The following MBD5 variants were observed in gnomAD, a reference collection of about 807,000 sequenced individuals.
The protein encoded by MBD5 is methyl-CpG-binding domain protein 5.
MBD5 carries 13 observed loss-of-function variants against 117.3 expected under a neutral mutation model. That is an observed-to-expected ratio of 0.11 (90% confidence interval 0.07 to 0.18). The LOEUF (loss-of-function observed/expected upper bound fraction) is 0.18. Among genes scored for constraint, MBD5 ranks in the 10% least tolerant of loss-of-function variants. The pLI, the probability that MBD5 is intolerant of heterozygous loss-of-function variation, is 1.00. For synonymous variants in MBD5, 727 were observed against 766.4 expected, an observed-to-expected ratio of 0.95 and a Z score of 0.85; for missense variants, 1,879 against 2,093.8, an observed-to-expected ratio of 0.90 and a Z score of 2.00.
intron 1 of MBD5, among the ~76,000 whole-genome samples, chr2:148,097,170 T>C (rs917739728): frequency 1.3e-5 from 2 of 152,222 alleles, no homozygotes; most frequent in African/African-American, 4.8e-5. Context: ...ATACAAAGTT[T>C]ACACAGCTAC....
intron 4 of MBD5, among the ~76,000 whole-genome samples, chr2:148,403,299 C>T (rs940069430): frequency 6.6e-6 from 1 of 152,016 alleles, no homozygotes; most frequent in African/African-American, 2.4e-5. Context: ...TGTGCCTCAG[C>T]CACCCAAATA....
intron 1 of MBD5, among the ~76,000 whole-genome samples, chr2:148,156,466 C>A (rs1192228996): frequency 6.6e-6 from 1 of 152,214 alleles, no homozygotes; most frequent in East Asian, 1.9e-4. Flanking sequence ...CAAAATTAAT[C>A]TCAGATATCA....
chr2:148,254,225 G>A (rs550756138), intron 3 of MBD5, among the ~76,000 whole-genome samples: 1 of 152,324 alleles, frequency 6.6e-6, no homozygotes, highest in East Asian at 1.9e-4. Flanking sequence ...CACTCGCAGG[G>A]CTGCTATTAT....
intron 1 of MBD5, among the ~76,000 whole-genome samples, chr2:148,151,794 T>G (rs1442760224): frequency 1.3e-5 from 2 of 151,994 alleles, no homozygotes; most frequent in Non-Finnish European, 2.9e-5. Context: ...GATATCCCCT[T>G]TATCATTTTT....
chr2:148,462,922 C>T (rs1707138925), intron 6 of MBD5, among the ~76,000 whole-genome samples: 1 of 152,072 alleles, frequency 6.6e-6, no homozygotes, highest in Admixed American at 6.6e-5. Context: ...TTCATTAAAA[C>T]CACCTTTCTA....
rs142007736 is a variant in MBD5, at chr2:148,421,016, A to C, written c.-556-37187A>C. ...AATGCTGGGATTACAGGCATGAGCC[A>C]CTACACCCATGAAAAGTGGTGCTCT... On this transcript the variant is annotated intron_variant, in intron 4 of 13. Coordinates refer to ENST00000642680, the MANE Select transcript of MBD5 (RefSeq NM_001378120.1). Among the ~76,000 whole-genome samples the C allele has an allele frequency of 4.0e-3, 602 of 152,318 alleles. 4 individuals carry two copies. Among genetic ancestry groups the C allele is most frequent in the African/African-American group, 0.013 (544 of 41,572 alleles).
chr2:148,143,092 G>A (rs1007580126), intron 1 of MBD5, among the ~76,000 whole-genome samples: 3 of 152,062 alleles, frequency 2.0e-5, no homozygotes, highest in Admixed American at 6.6e-5. Context: ...CAACCAATAG[G>A]GTTTAAAAAA....
chr2:148,324,364 T>C (rs529770238), intron 3 of MBD5, among the ~76,000 whole-genome samples: 2 of 152,320 alleles, frequency 1.3e-5, no homozygotes, highest in South Asian at 4.1e-4. Context: ...TTTTTTCCAA[T>C]TCTGTGAAGA....
intron 3 of MBD5, among the ~76,000 whole-genome samples, chr2:148,279,447 A>G (rs1419693207): frequency 5.9e-5 from 9 of 152,176 alleles, no homozygotes; most frequent in Non-Finnish European, 1.3e-4. Flanking sequence ...ATAAAAATTA[A>G]GCAAAACCAT....
At chr2:148,210,651 CAA>C (rs1699400830) in intron 2 of MBD5, among the ~76,000 whole-genome samples, 1 of 151,806 alleles carries the variant, frequency 6.6e-6, no homozygotes, top group African/African-American at 2.4e-5. Context: ...TATTATAAAT[CAA>C]AGTTTACCCA....
chr2:148,206,511 C>A (rs574863902), intron 2 of MBD5, among the ~76,000 whole-genome samples: 2 of 152,228 alleles, frequency 1.3e-5, no homozygotes, highest in East Asian at 3.9e-4. Context: ...TTGAAATATA[C>A]AACAAAATAT....
At chr2:148,363,962 C>A (rs758833553) in intron 4 of MBD5, among the ~76,000 whole-genome samples, 64 of 152,118 alleles carry the variant, frequency 4.2e-4, no homozygotes, top group Non-Finnish European at 1.3e-4. Context: ...CCTAGCAAGA[C>A]GGGCCAACAT....
chr2:148,310,798 C>T (rs1702011534), intron 3 of MBD5, among the ~76,000 whole-genome samples: 1 of 152,070 alleles, frequency 6.6e-6, no homozygotes, highest in African/African-American at 2.4e-5. Flanking sequence ...TATAAATTTC[C>T]CCCTAAACAC....
intron 1 of MBD5, among the ~76,000 whole-genome samples, chr2:148,105,620 T>G (rs1696350660): frequency 1.3e-5 from 2 of 152,214 alleles, no homozygotes; most frequent in Non-Finnish European, 2.9e-5. Context: ...TGTCAGTTTT[T>G]TAAGACTTTT....
chr2:148,470,102 C>T lies in MBD5; in HGVS notation c.2159C>T (p.Thr720Ile). ...AGCTCTCACTTGAGTAGCAATAGTACCCCGGGTTGTGGGGCCTCAAATACT... is the reference window on the plus strand; with the variant it reads ...AGCTCTCACTTGAGTAGCAATAGTATCCCGGGTTGTGGGGCCTCAAATACT... ...CQSSHLSSNS[T>I]PGCGASNTAL... Residue 720 changes from threonine (T) to isoleucine (I), a missense_variant, in exon 8 of 14, where the codon ACC becomes ATC. Thr to Ile is a moderately conservative substitution (Grantham distance 89, BLOSUM62 -1). Coordinates refer to ENST00000642680, the MANE Select transcript of MBD5 (RefSeq NM_001378120.1). The T allele has an allele frequency of 6.2e-7, 1 of 1,613,814 alleles. No individual in the cohort carries two copies. The highest frequency in any genetic ancestry group is 8.5e-7 in the Non-Finnish European group (1 of 1,179,880).
At chr2:148,046,548 C>T (rs962418764) in intron 1 of MBD5, among the ~76,000 whole-genome samples, 1 of 152,056 alleles carries the variant, frequency 6.6e-6, no homozygotes, top group African/African-American at 2.4e-5. Flanking sequence ...CCCCAATTCC[C>T]CAAGTTAGAA....
Position 148,463,725 on chromosome 2 carries a change from T to C in MBD5, c.217-14T>C. On this transcript the variant is annotated splice_polypyrimidine_tract_variant and intron_variant, in intron 6 of 13. Transcript: ENST00000642680. ...TTACAGACATATTCTAAACAAAGGCTGTGCTTTTTCCAGGTATTTAATTTT... is the reference window on the plus strand; with the variant it reads ...TTACAGACATATTCTAAACAAAGGCCGTGCTTTTTCCAGGTATTTAATTTT... 6.2e-7 allele frequency: 1 copy of C among 1,613,448 alleles called. No individual in the cohort carries two copies. The highest frequency in any genetic ancestry group is 1.1e-5 in the South Asian group (1 of 91,064).
At chr2:148,221,229 CAA>C (rs1393950546) in intron 2 of MBD5, among the ~76,000 whole-genome samples, 1 of 152,104 alleles carries the variant, frequency 6.6e-6, no homozygotes, top group Non-Finnish European at 1.5e-5. Context: ...AGTGCTGCAA[CAA>C]ACATGGGATT....
intron 1 of MBD5, among the ~76,000 whole-genome samples, chr2:148,077,094 G>A (rs2105128166): frequency 6.6e-6 from 1 of 152,296 alleles, no homozygotes; most frequent in Middle Eastern, 3.4e-3. Flanking sequence ...AAAAAAGTTT[G>A]CTGACATCTG....
Sources: allele counts gnomAD v4.1 joint callset (sites outside exome capture counted in the v4.1 genomes callset), GRCh38; gene constraint gnomAD v4.1.1; transcripts MANE v1.5; gene names NCBI Gene and HGNC (gene_info 2026-07-23, HGNC 2026-07-21).